Variants in TSPAN17 observed in about 807,000 individuals in gnomAD.
TSPAN17 encodes tetraspanin-17.
In TSPAN17, 33 loss-of-function variants were observed where a neutral mutation model predicts 40.5. The ratio of observed to expected loss-of-function variants is 0.81; its 90% CI spans 0.62 to 1.09. TSPAN17 has a LOEUF of 1.09. Among genes scored for constraint, TSPAN17 ranks in the 50% least tolerant of loss-of-function variants. The pLI, the probability that TSPAN17 is intolerant of heterozygous loss-of-function variation, is 0.00. For missense variants in TSPAN17, 365 were observed against 416.8 expected, an observed-to-expected ratio of 0.88 and a Z score of 1.08; for synonymous variants, 166 against 169.4, an observed-to-expected ratio of 0.98 and a Z score of 0.15.
chr5:176,647,714 G>C lies in TSPAN17; in HGVS notation c.87+12G>C. The C allele has an allele frequency of 1.3e-6, 2 of 1,579,746 alleles. No individual in the cohort carries two copies. The highest frequency in any genetic ancestry group is 1.7e-6 in the Non-Finnish European group (2 of 1,164,198). ...ACATTGTCTTCTGGGTGAGCGCGGG[G>C]TCTGCGCCTTGCCCTGTGCTGGGGG... On this transcript the variant is annotated intron_variant, in intron 1 of 8. Transcript: ENST00000508164.
In TSPAN17 at chr5:176,651,564, G is replaced by C; in HGVS notation, c.88-52G>C. 7.0e-6 allele frequency: 11 copies of C among 1,561,724 alleles called. No homozygotes were observed. Among genetic ancestry groups the C allele is most frequent in the African/African-American group, 1.4e-5 (1 of 73,438 alleles). ...TGGCTACCGGGGAAGGATGAGGGGG[G>C]AGGGTCCTGGGGCTGCTCCCAGCCC... On this transcript the variant is annotated intron_variant, in intron 1 of 8. Transcript: ENST00000508164. This position sits in a 1 kb window ranked among gnomAD's most constrained non-coding sequence, Gnocchi z 4.5.
chr5:176,656,251 C>T, intron 6 of TSPAN17, 126 bp downstream of exon 6: 1 of 1,018,346 alleles, frequency 9.8e-7, no homozygotes, highest in South Asian at 1.5e-5. Context: ...GTCCCAGGAA[C>T]CAGCCAGACA....
intron 1 of TSPAN17, among the ~76,000 whole-genome samples, chr5:176,648,305 G>A (rs560577359): frequency 9.2e-5 from 14 of 152,326 alleles, no homozygotes; most frequent in African/African-American, 2.6e-4. Context: ...GGATCTCCCC[G>A]GTTGAGAGCC....
Position 176,647,721 on chromosome 5 carries a change from C to A in TSPAN17, c.87+19C>A. Reference sequence around the variant, plus strand: ...CTTCTGGGTGAGCGCGGGGTCTGCGCCTTGCCCTGTGCTGGGGGGTGGTGG... The same window carrying A: ...CTTCTGGGTGAGCGCGGGGTCTGCGACTTGCCCTGTGCTGGGGGGTGGTGG... On this transcript the variant is annotated intron_variant, in intron 1 of 8. Transcript: ENST00000508164. The A allele has an allele frequency of 6.4e-7, 1 of 1,570,856 alleles. No individual in the cohort carries two copies. The highest frequency in any genetic ancestry group is 1.2e-5 in the South Asian group (1 of 85,490).
intron 1 of TSPAN17, among the ~76,000 whole-genome samples, chr5:176,648,270 T>C (rs1355180592): frequency 6.6e-6 from 1 of 152,118 alleles, no homozygotes; most frequent in Admixed American, 6.5e-5. Flanking sequence ...GGAGGGACAA[T>C]GGCGAGTCCT....
At position 176,652,728 on chromosome 5, in the gene TSPAN17, T is replaced by C; in HGVS notation, c.286-15T>C. The C allele has an allele frequency of 6.2e-7, 1 of 1,613,848 alleles. No homozygotes were observed. The highest frequency in any genetic ancestry group is 8.5e-7 in the Non-Finnish European group (1 of 1,179,786). ...CTGCGTTTCCAACCCCTACTGTCTG[T>C]ATGCCCAACCCCAGTTCTCCGTGTT... On this transcript the variant is annotated splice_polypyrimidine_tract_variant and intron_variant, in intron 3 of 8. Transcript: ENST00000508164.
chr5:176,651,507 T>G lies in TSPAN17; in HGVS notation c.88-109T>G. The G allele has an allele frequency of 8.2e-7, 1 of 1,216,954 alleles. No homozygotes were observed. Among genetic ancestry groups the G allele is most frequent in the Non-Finnish European group, 1.1e-6 (1 of 884,716 alleles). 75.4% of individuals were successfully genotyped at this position (1,216,954 alleles called of 1,614,324 possible). A position where few individuals can be genotyped will look rare whatever the true frequency, so the allele number is the denominator to read the frequency against. ...GACCCCGGATCCCGTTCACAGCCCTTGTGCCTCTTCCTCTCTCCGCTGGAA... is the reference window on the plus strand; with the variant it reads ...GACCCCGGATCCCGTTCACAGCCCTGGTGCCTCTTCCTCTCTCCGCTGGAA... On this transcript the variant is annotated intron_variant, in intron 1 of 8. Transcript: ENST00000508164. This position sits in a 1 kb window ranked among gnomAD's most constrained non-coding sequence, Gnocchi z 4.5.
chr5:176,655,946 A>G, intron 5 of TSPAN17, 132 bp from the exon 6 acceptor site: 1 of 811,966 alleles, frequency 1.2e-6, no homozygotes, highest in Non-Finnish European at 2.2e-6. Flanking sequence ...CTCACTTAAG[A>G]CTGGTGGACA....
rs896157076 is a variant in TSPAN17, at chr5:176,650,444, G to T, written c.88-1172G>T. The stretch of plus-strand genomic sequence containing the variant: ...GCCTCTGGACCAATCCCCGGGGCAG[G>T]TGAAGGCGGAGCATCCTGGGAAGGA... On this transcript the variant is annotated intron_variant, in intron 1 of 8. Coordinates refer to ENST00000508164, the MANE Select transcript of TSPAN17 (RefSeq NM_130465.5). The surrounding 1 kb of genome is among the most constrained non-coding windows in gnomAD (Gnocchi z 4.0). Among the ~76,000 whole-genome samples the T allele has an allele frequency of 2.0e-5, 3 of 152,222 alleles. No individual in the cohort carries two copies. The highest frequency in any genetic ancestry group is 2.0e-4 in the Admixed American group (3 of 15,292).
chr5:176,657,278 C>A, intron 8 of TSPAN17: 1 of 706,900 alleles, frequency 1.4e-6, no homozygotes, highest in South Asian at 1.9e-5. Context: ...AGGGTGCAGG[C>A]CAAGTGGGGT....
chr5:176,655,981 C>T (rs1428665510), intron 5 of TSPAN17, 97 bp from the exon 6 acceptor site: 20 of 1,090,542 alleles, frequency 1.8e-5, no homozygotes, highest in Admixed American at 3.4e-5. Context: ...GGCCCATCTG[C>T]GTCCTCTGAG....
rs969344517 is a variant in TSPAN17, at chr5:176,651,097, T to C, written c.88-519T>C. Among the ~76,000 whole-genome samples the C allele has an allele frequency of 2.0e-5, 3 of 151,384 alleles. No homozygotes were observed. Among genetic ancestry groups the C allele is most frequent in the African/African-American group, 7.3e-5 (3 of 41,060 alleles). ...TTCAGGGGTGTCTGGTCGTGAGCCG[T>C]GGAAGCTGACTCTGGCAGGCGGAGG... On this transcript the variant is annotated intron_variant, in intron 1 of 8. Coordinates refer to ENST00000508164, the MANE Select transcript of TSPAN17 (RefSeq NM_130465.5). The surrounding 1 kb of genome is among the most constrained non-coding windows in gnomAD (Gnocchi z 4.5).
At chr5:176,647,778 A>G (rs1228193863) in intron 1 of TSPAN17, 76 bp downstream of exon 1, 5 of 1,358,066 alleles carry the variant, frequency 3.7e-6, no homozygotes, top group Non-Finnish European at 5.0e-6. Flanking sequence ...GCTGGGGGAG[A>G]CCACTCCCTG....
rs1761209403 is a variant in TSPAN17, at chr5:176,657,615, G to T, written c.907G>T (p.Ala303Ser). 1 of 1,613,518 alleles carries T rather than the reference G, an allele frequency of 6.2e-7. No individual in the cohort carries two copies. Among genetic ancestry groups the T allele is most frequent in the South Asian group, 1.1e-5 (1 of 91,056 alleles). Reference sequence around the variant, plus strand: ...GCCTCAGCAGAACTCTCTGACTGGGGCCCCTGGCCCGGCCCCACCCAGCCG... The same window carrying T: ...GCCTCAGCAGAACTCTCTGACTGGGTCCCCTGGCCCGGCCCCACCCAGCCG... ...AGPQQNSLTGAPGPAPPSRHV... is the reference protein window; with the variant it reads ...AGPQQNSLTGSPGPAPPSRHV... Residue 303 changes from alanine to serine, a missense_variant, in exon 9 of 9, where the codon GCC (alanine) becomes TCC (serine). Physicochemically the swap from Ala to Ser is moderately conservative, Grantham distance 99. Coordinates refer to ENST00000508164, the MANE Select transcript of TSPAN17 (RefSeq NM_130465.5).
chr5:176,648,763 C>T lies in TSPAN17; in HGVS notation c.87+1061C>T, dbSNP rs867252187. ...CTCAGCTTGCCTGCCTGGGAGACGA[C>T]GATAAAGAATCTGCCTGTGAGGGCT... On this transcript the variant is annotated intron_variant, in intron 1 of 8. Coordinates refer to ENST00000508164, the MANE Select transcript of TSPAN17 (RefSeq NM_130465.5). Among the ~76,000 whole-genome samples, 27 of 152,270 alleles carry T rather than the reference C, an allele frequency of 1.8e-4. No homozygotes were observed. In the South Asian group the frequency reaches 5.4e-3, roughly 30 times the overall value.
Position 176,649,432 on chromosome 5 carries a change from CT to C in TSPAN17, c.87+1742del, listed in dbSNP as rs796815885. ...CTTGTGGTTTCCTTTTTTCTTTTTTCTTTTTTTTTTTTGAGACAGAGTTTTG... is the reference window on the plus strand; with the variant it reads ...CTTGTGGTTTCCTTTTTTCTTTTTTCTTTTTTTTTTTGAGACAGAGTTTTG... On this transcript the variant is annotated intron_variant, in intron 1 of 8. Transcript: ENST00000508164. Among the ~76,000 whole-genome samples the C allele has an allele frequency of 2.5e-3, 357 of 143,686 alleles. 1 individual carries two copies. Among genetic ancestry groups the C allele is most frequent in the African/African-American group, 4.9e-3 (194 of 39,218 alleles). 94.3% of individuals were successfully genotyped at this position (143,686 alleles called of 152,430 possible). A position where few individuals can be genotyped will look rare whatever the true frequency, so the allele number is the denominator to read the frequency against.
rs1761202342 is a variant in TSPAN17, at chr5:176,657,448, C to T, written c.810-70C>T. ...CTGTAACTTTGAGCCTGCCAGGAAC[C>T]CACCTCAGCCTCAGTGTCCCAGACT... On this transcript the variant is annotated intron_variant, in intron 8 of 8. Coordinates refer to ENST00000508164, the MANE Select transcript of TSPAN17 (RefSeq NM_130465.5). 1.9e-6 allele frequency: 3 copies of T among 1,545,612 alleles called. No homozygotes were observed. The Admixed American group carries it at 6.0e-5, about 31-fold the overall frequency.
In TSPAN17 at chr5:176,651,322, A is replaced by G. The variant is rs2113464855; in HGVS notation, c.88-294A>G. ...CGCTACCCCCGCTGACACAGCTGCT[A>G]TTGCTCCTTGGCAGGAGTGTCTTGG... On this transcript the variant is annotated intron_variant, in intron 1 of 8. Transcript: ENST00000508164. This position sits in a 1 kb window ranked among gnomAD's most constrained non-coding sequence, Gnocchi z 4.5. 6.6e-6 allele frequency among the ~76,000 whole-genome samples: 1 copy of G among 152,096 alleles called. No homozygotes were observed. Among genetic ancestry groups the G allele is most frequent in the East Asian group, 1.9e-4 (1 of 5,192 alleles).
chr5:176,657,299 G>T, intron 8 of TSPAN17: 1 of 795,550 alleles, frequency 1.3e-6, no homozygotes. Context: ...GGGAGGTGCT[G>T]TGTGGAGGGT....
Sources: allele counts gnomAD v4.1 joint callset (sites outside exome capture counted in the v4.1 genomes callset), GRCh38; gene constraint gnomAD v4.1.1; non-coding constraint Gnocchi (gnomAD v3.1); transcripts MANE v1.5; gene names NCBI Gene and HGNC (gene_info 2026-07-23, HGNC 2026-07-21).